LPP: variants seen among roughly 807,000 people sequenced by gnomAD.
LPP encodes lipoma-preferred partner.
Under a neutral mutation model 60.4 loss-of-function variants are expected in LPP, and 38 were observed. The ratio of observed to expected loss-of-function variants is 0.63; its 90% CI spans 0.49 to 0.83. The LOEUF is 0.83. Ranked by LOEUF, LPP falls within the 40% of genes least tolerant of loss-of-function variation. The pLI, the probability that LPP is intolerant of heterozygous loss-of-function variation, is 0.00. For synonymous variants in LPP, 328 were observed against 290.8 expected (o/e 1.13, Z -1.30); for missense variants, 902 against 783.6 (o/e 1.15, Z -1.80).
intron 2 of LPP, among the ~76,000 whole-genome samples, chr3:188,330,426 C>T (rs1759695759): frequency 1.3e-5 from 2 of 152,128 alleles, no homozygotes; most frequent in Non-Finnish European, 2.9e-5. Flanking sequence ...TCCTAGTTCT[C>T]ATTCACCGTT....
intron 6 of LPP, among the ~76,000 whole-genome samples, chr3:188,549,936 C>T (rs1396602704): frequency 3.9e-5 from 6 of 152,152 alleles, no homozygotes. Context: ...GTTCTAAAGT[C>T]AGTGTCTACT....
intron 1 of LPP, among the ~76,000 whole-genome samples, chr3:188,198,413 T>A (rs77904569): frequency 0.039 from 6,012 of 152,332 alleles, 154 homozygotes; most frequent in South Asian, 0.097. Flanking sequence ...GAGAGCAGCA[T>A]AGCTGTTGTG....
chr3:188,809,532 T>C (rs1187576539), intron 9 of LPP, among the ~76,000 whole-genome samples: 1 of 152,224 alleles, frequency 6.6e-6, no homozygotes. Flanking sequence ...TAAAGTTGTT[T>C]GGTTTTTTCT....
intron 9 of LPP, among the ~76,000 whole-genome samples, chr3:188,836,366 T>G (rs1000710466): frequency 3.3e-5 from 5 of 152,260 alleles, no homozygotes; most frequent in East Asian, 1.9e-4. Context: ...ATGCAGGTTT[T>G]GGGGCTGTTG....
At chr3:188,709,138 C>T (rs1317341181) in intron 8 of LPP, 1 of 151,868 alleles carries the variant, frequency 6.6e-6, no homozygotes, top group Admixed American at 6.6e-5. Flanking sequence ...TTGTTAATAA[C>T]TAGGAATGGT....
chr3:188,284,783 G>T (rs948686567), intron 2 of LPP, among the ~76,000 whole-genome samples: 1 of 152,182 alleles, frequency 6.6e-6, no homozygotes, highest in Non-Finnish European at 1.5e-5. Context: ...GGCAGGGGGA[G>T]CATGTAGGGA....
intron 7 of LPP, among the ~76,000 whole-genome samples, chr3:188,640,780 C>G (rs1230564948): frequency 1.3e-5 from 2 of 151,938 alleles, no homozygotes; most frequent in Non-Finnish European, 2.9e-5. Context: ...AGAAAAAGCT[C>G]TGACCTCAAG....
chr3:188,751,576 A>G (rs1465768499), intron 8 of LPP, among the ~76,000 whole-genome samples: 1 of 152,240 alleles, frequency 6.6e-6, no homozygotes, highest in Non-Finnish European at 1.5e-5. Flanking sequence ...AGATAATTTT[A>G]GGAATTGTGG....
Position 188,470,307 on chromosome 3 carries a change from C to CAT in LPP, c.194-14284_194-14283insTA, listed in dbSNP as rs1383980257. ...ACACACACACACACACACACACACA[C>CAT]ACACACACACACGCACACATAAACC... On this transcript the variant is annotated intron_variant, in intron 4 of 11. Transcript: ENST00000617246. Among the ~76,000 whole-genome samples the CAT allele has an allele frequency of 1.1e-3, 141 of 128,746 alleles. 7 individuals are homozygous for CAT. The highest frequency in any genetic ancestry group is 9.7e-3 in the East Asian group (46 of 4,744). 84.5% of individuals were successfully genotyped at this position (128,746 alleles called of 152,430 possible). A position where few individuals can be genotyped will look rare whatever the true frequency, so the allele number is the denominator to read the frequency against.
At chr3:188,459,004 G>A (rs1009456046) in intron 4 of LPP, among the ~76,000 whole-genome samples, 3 of 152,058 alleles carry the variant, frequency 2.0e-5, no homozygotes, top group African/African-American at 7.2e-5. Flanking sequence ...TAGTTAACAA[G>A]TCAGATAAAC....
chr3:188,753,115 T>G (rs1487578751), intron 8 of LPP, among the ~76,000 whole-genome samples: 1 of 152,198 alleles, frequency 6.6e-6, no homozygotes, highest in Non-Finnish European at 1.5e-5. Flanking sequence ...AAGTCAGACC[T>G]GGTTCCAGTC....
rs1418613561 is a variant in LPP, at chr3:188,609,017, G to A, written c.430-144G>A. ...TGTGTTCATCTGTGAACACTTTGAA[G>A]GCAAGATTATGCCTTATTTGTGTTC... On this transcript the variant is annotated intron_variant, in intron 6 of 11. Coordinates refer to ENST00000617246, the MANE Select transcript of LPP (RefSeq NM_001375462.1). This position sits in a 1 kb window ranked among gnomAD's most constrained non-coding sequence, Gnocchi z 6.9. 5.9e-6 allele frequency: 4 copies of A among 676,104 alleles called. No individual in the cohort carries two copies. The highest frequency in any genetic ancestry group is 5.5e-5 in the East Asian group (2 of 36,202). 41.9% of individuals were successfully genotyped at this position (676,104 alleles called of 1,614,324 possible). A position where few individuals can be genotyped will look rare whatever the true frequency, so the allele number is the denominator to read the frequency against.
intron 8 of LPP, among the ~76,000 whole-genome samples, chr3:188,747,493 C>T (rs962555425): frequency 2.0e-5 from 3 of 152,152 alleles, no homozygotes; most frequent in Non-Finnish European, 2.9e-5. Context: ...AAGTAAGAAC[C>T]TTCTAATGTT....
intron 9 of LPP, among the ~76,000 whole-genome samples, chr3:188,818,615 A>T (rs1753112479): frequency 6.6e-6 from 1 of 152,148 alleles, no homozygotes; most frequent in Non-Finnish European, 1.5e-5. Flanking sequence ...TATATGTGAG[A>T]TTGAGAGGCA....
chr3:188,707,393 C>T (rs988822870), intron 7 of LPP, among the ~76,000 whole-genome samples: 16 of 152,110 alleles, frequency 1.1e-4, no homozygotes, highest in Non-Finnish European at 1.0e-4. Flanking sequence ...AGTCTTTGAT[C>T]CCTGCCCCCC....
At chr3:188,810,593 A>G (rs1031913579) in intron 9 of LPP, among the ~76,000 whole-genome samples, 2 of 152,160 alleles carry the variant, frequency 1.3e-5, no homozygotes, top group African/African-American at 4.8e-5. Context: ...TATAAATTAT[A>G]CTTTATCATA....
At chr3:188,786,679 A>G (rs1457345900) in intron 9 of LPP, among the ~76,000 whole-genome samples, 1 of 152,104 alleles carries the variant, frequency 6.6e-6, no homozygotes, top group Non-Finnish European at 1.5e-5. Flanking sequence ...CCTGGAAAAA[A>G]CCCAGATGTC....
At chr3:188,280,998 A>C (rs1741817331) in intron 2 of LPP, among the ~76,000 whole-genome samples, 1 of 151,180 alleles carries the variant, frequency 6.6e-6, no homozygotes. Flanking sequence ...GCAATGGTGC[A>C]ATATCTGCTC....
chr3:188,592,155 G>C lies in LPP; in HGVS notation c.430-17006G>C, dbSNP rs1838852519. On this transcript the variant is annotated intron_variant, in intron 6 of 11. Coordinates refer to ENST00000617246, the MANE Select transcript of LPP (RefSeq NM_001375462.1). ...TGCAACTAAATATGTATGATAAATAGGAAATTAGTGCATTGGAGCATATGC... is the reference window on the plus strand; with the variant it reads ...TGCAACTAAATATGTATGATAAATACGAAATTAGTGCATTGGAGCATATGC... 1.3e-5 allele frequency among the ~76,000 whole-genome samples: 2 copies of C among 152,250 alleles called. 1 individual carries two copies. The highest frequency in any genetic ancestry group is 6.8e-3 in the Middle Eastern group (2 of 294).
Sources: allele counts gnomAD v4.1 joint callset (sites outside exome capture counted in the v4.1 genomes callset), GRCh38; gene constraint gnomAD v4.1.1; non-coding constraint Gnocchi (gnomAD v3.1); transcripts MANE v1.5; gene names NCBI Gene and HGNC (gene_info 2026-07-23, HGNC 2026-07-21).